The following SH2D1B variants were observed in gnomAD, a reference collection of about 807,000 sequenced individuals.
SH2D1B encodes SH2 domain containing 1B.
Under a neutral mutation model 16.3 loss-of-function variants are expected in SH2D1B, and 11 were observed. The observed-to-expected ratio is 0.67, with a 90% CI of 0.42 to 1.11. The LOEUF is 1.11. SH2D1B is among the 50% of genes most tolerant of loss of function. The pLI, the probability that SH2D1B is intolerant of heterozygous loss-of-function variation, is 0.00. For synonymous variants in SH2D1B, 55 were observed against 56.1 expected, an observed-to-expected ratio of 0.98 and a Z score of 0.09; for missense variants, 123 against 153.1, an observed-to-expected ratio of 0.80 and a Z score of 1.04.
At chr1:162,404,517 C>A (rs1431825304) in intron 1 of SH2D1B, among the ~76,000 whole-genome samples, 2 of 151,878 alleles carry the variant, frequency 1.3e-5, no homozygotes, top group Non-Finnish European at 2.9e-5. Flanking sequence ...AAAATAAGTA[C>A]ATATAATTTT....
intron 2 of SH2D1B, 179 bp downstream of exon 2, chr1:162,402,560 G>C (rs1247988640): frequency 5.4e-6 from 3 of 556,082 alleles, no homozygotes; most frequent in Non-Finnish European, 9.6e-6. Context: ...CCCAAGCCTA[G>C]AACCTTCCTA....
At chr1:162,407,985 C>T (rs918872186) in intron 1 of SH2D1B, among the ~76,000 whole-genome samples, 10 of 152,166 alleles carry the variant, frequency 6.6e-5, no homozygotes, top group Non-Finnish European at 1.3e-4. Flanking sequence ...ATCTGGTTCT[C>T]CCCTTTTTGC....
intron 1 of SH2D1B, among the ~76,000 whole-genome samples, chr1:162,410,445 A>AT (rs1648766068): frequency 6.6e-6 from 1 of 152,050 alleles, no homozygotes; most frequent in South Asian, 2.1e-4. Context: ...ACATTGAGTA[A>AT]TTTTTTTCTT....
rs1344371309 is a variant in SH2D1B at position 162,397,090 on chromosome 1, A to G, written c.*190T>C. ...AGAGGGTTTTGAAATTGCTCCTGGTATATGTCTGGGAGGCGGGGATGTGGA... is the reference window on the plus strand; with the variant it reads ...AGAGGGTTTTGAAATTGCTCCTGGTGTATGTCTGGGAGGCGGGGATGTGGA... On this transcript the variant is annotated 3_prime_UTR_variant, in exon 4 of 4. Transcript: ENST00000367929. 2 of 588,490 alleles carry G rather than the reference A, an allele frequency of 3.4e-6. No homozygotes were observed. Among genetic ancestry groups the G allele is most frequent in the Non-Finnish European group, 3.0e-6 (1 of 328,790 alleles). 36.5% of individuals were successfully genotyped at this position (588,490 alleles called of 1,614,324 possible). A position where few individuals can be genotyped will look rare whatever the true frequency, so the allele number is the denominator to read the frequency against.
At chr1:162,404,912 A>G (rs1648617020) in intron 1 of SH2D1B, among the ~76,000 whole-genome samples, 1 of 152,270 alleles carries the variant, frequency 6.6e-6, no homozygotes, top group African/African-American at 2.4e-5. Flanking sequence ...AGATAAGCCT[A>G]CATAGAACAC....
chr1:162,400,286 CTTTTTTTTT>C (rs1241054289), intron 2 of SH2D1B, among the ~76,000 whole-genome samples: 35 of 83,290 alleles, frequency 4.2e-4, no homozygotes, highest in Admixed American at 2.5e-3. Context: ...ACACCACGTA[CTTTTTTTTT>C]TTTTTTTTTT....
At chr1:162,402,337 C>T (rs1648535296) in intron 2 of SH2D1B, 1 of 156,966 alleles carries the variant, frequency 6.4e-6, no homozygotes, top group Admixed American at 6.4e-5. Context: ...ACGGCGAAAA[C>T]CCTTCTCTAC....
chr1:162,397,466 C>T (rs1648406248), intron 3 of SH2D1B, 151 bp from the exon 4 acceptor site: 2 of 740,810 alleles, frequency 2.7e-6, no homozygotes, highest in East Asian at 2.7e-5. Context: ...GGCTGGGGTA[C>T]TACAGGGAGC....
At chr1:162,408,954 A>C (rs1377832196) in intron 1 of SH2D1B, among the ~76,000 whole-genome samples, 1 of 151,930 alleles carries the variant, frequency 6.6e-6, no homozygotes, top group Non-Finnish European at 1.5e-5. Flanking sequence ...CAAAAAATTT[A>C]AACATTAACC....
chr1:162,407,743 T>A (rs1349085509), intron 1 of SH2D1B, among the ~76,000 whole-genome samples: 3 of 152,226 alleles, frequency 2.0e-5, no homozygotes, highest in African/African-American at 7.2e-5. Flanking sequence ...ACCTTTCCTG[T>A]ACCCAATGGA....
Position 162,398,903 on chromosome 1 carries a change from C to A in SH2D1B, c.363+20G>T, listed in dbSNP as rs1429274138. On this transcript the variant is annotated intron_variant, in intron 3 of 3. Coordinates refer to ENST00000367929, the MANE Select transcript of SH2D1B (RefSeq NM_053282.5). ...AATAGGATTAAGATTGCTTTCTGAC[C>A]CCCACGTGAGAGATTTTACCACAAA... 3.1e-6 allele frequency: 5 copies of A among 1,600,744 alleles called. No homozygotes were observed. Among genetic ancestry groups the A allele is most frequent in the Non-Finnish European group, 4.3e-6 (5 of 1,170,884 alleles).
At chr1:162,411,770 T>G in intron 1 of SH2D1B, 113 bp downstream of exon 1, 43 of 1,412,676 alleles carry the variant, frequency 3.0e-5, no homozygotes, top group Non-Finnish European at 3.9e-5. Flanking sequence ...TTCTACTCAT[T>G]GAGACTCCAA....
intron 1 of SH2D1B, among the ~76,000 whole-genome samples, chr1:162,403,514 AT>A (rs1557911114): frequency 4.1e-3 from 94 of 22,774 alleles, no homozygotes; most frequent in Non-Finnish European, 4.7e-3. Flanking sequence ...AAAAAAAAAT[AT>A]ATATATATAT....
At position 162,397,093 on chromosome 1, in the gene SH2D1B, T is replaced by C. The variant is rs1446863957; in HGVS notation, c.*187A>G. ...GGGTTTTGAAATTGCTCCTGGTATA[T>C]GTCTGGGAGGCGGGGATGTGGAGAG... On this transcript the variant is annotated 3_prime_UTR_variant, in exon 4 of 4. Coordinates refer to ENST00000367929, the MANE Select transcript of SH2D1B (RefSeq NM_053282.5). The C allele has an allele frequency of 6.7e-6, 4 of 596,818 alleles. No homozygotes were observed. In the Admixed American group the frequency reaches 8.7e-5, roughly 13 times the overall value. The allele number at this position is 596,818 out of a possible 1,614,324, so 37.0% of individuals were successfully genotyped here.
At chr1:162,399,119 TATC>T in intron 2 of SH2D1B, 32 bp from the exon 3 acceptor site, 1 of 1,585,506 alleles carries the variant, frequency 6.3e-7, no homozygotes, top group Non-Finnish European at 8.6e-7. Context: ...AATCACTCAT[TATC>T]ATGCAATTGC....
At chr1:162,408,399 C>T (rs1368714096) in intron 1 of SH2D1B, among the ~76,000 whole-genome samples, 1 of 147,014 alleles carries the variant, frequency 6.8e-6, no homozygotes, top group Non-Finnish European at 1.5e-5. Context: ...TTTTTAGCTT[C>T]TCTTTTTTTC....
intron 2 of SH2D1B, chr1:162,402,406 G>C (rs377319349): frequency 9.0e-5 from 16 of 177,550 alleles, no homozygotes; most frequent in East Asian, 2.8e-4. Flanking sequence ...AGCTACTTGG[G>C]GGGGCGGGGG....
chr1:162,402,552 C>T, intron 2 of SH2D1B, 187 bp downstream of exon 2: 1 of 503,840 alleles, frequency 2.0e-6, no homozygotes. Flanking sequence ...AAGTAGAACC[C>T]AAGCCTAGAA....
Position 162,402,617 on chromosome 1 carries a change from C to A in SH2D1B, c.198+122G>T. The A allele has an allele frequency of 7.8e-6, 6 of 764,474 alleles. No homozygotes were observed. The South Asian group carries it at 1.0e-4, about 13-fold the overall frequency. The allele number at this position is 764,474 out of a possible 1,614,324, so 47.4% of individuals were successfully genotyped here. ...GGTTAACTCGATCTGACTCTCATCT[C>A]TGCATTGTGCTTTCCTTTTTAGAAT... On this transcript the variant is annotated intron_variant, in intron 2 of 3. Coordinates refer to ENST00000367929, the MANE Select transcript of SH2D1B (RefSeq NM_053282.5).
Sources: gnomAD v4.1 joint callset for allele counts (sites outside exome capture counted in the v4.1 genomes callset) on GRCh38, gnomAD v4.1.1 for gene constraint, MANE v1.5 for transcripts, NCBI Gene and HGNC (gene_info 2026-07-23, HGNC 2026-07-21) for gene names.